Variants in INTS7 observed in about 807,000 individuals in gnomAD.
INTS7 encodes chromosome 1 open reading frame 73.
Under a neutral mutation model 109.2 loss-of-function variants are expected in INTS7, and 46 were observed. The observed-to-expected ratio is 0.42, with a 90% confidence interval of 0.33 to 0.54. The LOEUF (loss-of-function observed/expected upper bound fraction) is 0.54. Ranked by LOEUF, INTS7 falls within the 20% of genes least tolerant of loss-of-function variation. INTS7 has a pLI of 0.07. For synonymous variants in INTS7, 412 were observed against 402.9 expected, an observed-to-expected ratio of 1.02 and a Z score of -0.27; for missense variants, 929 against 1,132.4, an observed-to-expected ratio of 0.82 and a Z score of 2.58.
intron 8 of INTS7, among the ~76,000 whole-genome samples, chr1:211,983,218 T>TC (rs2102430334): frequency 6.6e-6 from 1 of 152,248 alleles, no homozygotes; most frequent in East Asian, 1.9e-4. Context: ...GCTTTTTTTT[T>TC]CCATCTCAGA....
At chr1:212,012,135 G>A (rs779705132) in intron 4 of INTS7, among the ~76,000 whole-genome samples, 4 of 152,124 alleles carry the variant, frequency 2.6e-5, no homozygotes, top group Admixed American at 2.0e-4. Context: ...CACCACAGTT[G>A]CCACTAGGGG....
chr1:212,029,990 T>TA (rs1231406938), intron 1 of INTS7, among the ~76,000 whole-genome samples: 6 of 152,222 alleles, frequency 3.9e-5, no homozygotes, highest in African/African-American at 1.2e-4. Flanking sequence ...AAAATGTCTG[T>TA]AAACGTACAT....
At chr1:211,956,177 C>G (rs1020874301) in intron 16 of INTS7, among the ~76,000 whole-genome samples, 1 of 152,158 alleles carries the variant, frequency 6.6e-6, no homozygotes. Flanking sequence ...TTTTCCCATA[C>G]AATTATTTTG....
At chr1:212,033,415 ACACT>A (rs1667258295) in intron 1 of INTS7, among the ~76,000 whole-genome samples, 1 of 152,202 alleles carries the variant, frequency 6.6e-6, no homozygotes, top group Non-Finnish European at 1.5e-5. Flanking sequence ...CACCTGTAAA[ACACT>A]CACGCCAGGC....
At chr1:212,000,914 C>T (rs1194132816) in intron 7 of INTS7, among the ~76,000 whole-genome samples, 2 of 152,176 alleles carry the variant, frequency 1.3e-5, no homozygotes, top group Admixed American at 6.5e-5. Flanking sequence ...GTCTCACCCA[C>T]TCAAGGCCAT....
intron 4 of INTS7, among the ~76,000 whole-genome samples, chr1:212,012,461 A>G (rs1247893702): frequency 6.6e-6 from 1 of 152,164 alleles, no homozygotes; most frequent in Non-Finnish European, 1.5e-5. Flanking sequence ...TATCAAAAAT[A>G]TAAGTCTTGT....
chr1:212,023,123 T>C (rs1033308898), intron 1 of INTS7, among the ~76,000 whole-genome samples: 1 of 152,236 alleles, frequency 6.6e-6, no homozygotes, highest in Non-Finnish European at 1.5e-5. Context: ...ATGGTATATA[T>C]GTACCATGTT....
chr1:211,986,882 T>C (rs943918819), intron 8 of INTS7, among the ~76,000 whole-genome samples: 1 of 152,162 alleles, frequency 6.6e-6, no homozygotes, highest in Non-Finnish European at 1.5e-5. Context: ...TCCCTACACC[T>C]AGAAAGTATC....
chr1:211,993,409 G>A (rs1665227501), intron 7 of INTS7, among the ~76,000 whole-genome samples: 1 of 152,208 alleles, frequency 6.6e-6, no homozygotes, highest in Admixed American at 6.5e-5. Context: ...GCCAGGTGCG[G>A]CAGCTCACGC....
chr1:211,968,726 AGAGATATTT>A lies in INTS7; in HGVS notation c.1816-28_1816-20del. On this transcript the variant is annotated intron_variant, in intron 13 of 19. Transcript: ENST00000366994. The stretch of plus-strand genomic sequence containing the variant: ...TAGCTGCCTGGGAAAAAAAAAAAAA[AGAGATATTT>A]AAGACAAAGTAAACAGAACAGTGAG... 7.5e-7 allele frequency: 1 copy of A among 1,341,088 alleles called. No individual in the cohort carries two copies. Among genetic ancestry groups the A allele is most frequent in the Non-Finnish European group, 1.1e-6 (1 of 946,446 alleles). The allele number at this position is 1,341,088 out of a possible 1,614,324, so 83.1% of individuals were successfully genotyped here.
rs2102372168 is a variant in INTS7 at position 211,940,905 on chromosome 1, AAAAAC to A, written c.*914_*918del. On this transcript the variant is annotated 3_prime_UTR_variant, in exon 20 of 20. Coordinates refer to ENST00000366994, the MANE Select transcript of INTS7 (RefSeq NM_015434.4). ...TATACACAGTTGCAGACACATCAGAAAAAACAAATTAATTTTCTATGAAATTGCTA... is the reference window on the plus strand; with the variant it reads ...TATACACAGTTGCAGACACATCAGAAAAATTAATTTTCTATGAAATTGCTA... 1 of 152,384 alleles carries A rather than the reference AAAAAC, an allele frequency of 6.6e-6. No individual in the cohort carries two copies. Among genetic ancestry groups the A allele is most frequent in the Non-Finnish European group, 1.5e-5 (1 of 68,038 alleles). 9.4% of individuals were successfully genotyped at this position (152,384 alleles called of 1,614,324 possible). A position where few individuals can be genotyped will look rare whatever the true frequency, so the allele number is the denominator to read the frequency against.
intron 16 of INTS7, among the ~76,000 whole-genome samples, chr1:211,953,309 T>TC (rs1663195211): frequency 6.6e-6 from 1 of 152,188 alleles, no homozygotes; most frequent in Non-Finnish European, 1.5e-5. Context: ...TCTTTCTTTT[T>TC]CCTCTACTGC....
At position 211,943,627 on chromosome 1, in the gene INTS7, G is replaced by A. The variant is rs147043046; in HGVS notation, c.2601+1157C>T. Among the ~76,000 whole-genome samples, 805 of 152,292 alleles carry A rather than the reference G, an allele frequency of 5.3e-3. 10 individuals are homozygous for A. Among genetic ancestry groups the A allele is most frequent in the African/African-American group, 0.019 (776 of 41,566 alleles). On this transcript the variant is annotated intron_variant, in intron 19 of 19. Transcript: ENST00000366994. ...AAAAGAGGAGAATGAAGGCTCAGCC[G>A]TGTCAGAGTGGACAGAGTGCCAAAG...
intron 5 of INTS7, among the ~76,000 whole-genome samples, chr1:212,010,559 T>A: frequency 6.6e-6 from 1 of 152,118 alleles, no homozygotes; most frequent in East Asian, 1.9e-4. Flanking sequence ...CCCCCATAAG[T>A]ATGCTTTGGT....
rs568694080 is a variant in INTS7 at position 211,946,473 on chromosome 1, C to T, written c.2415+134G>A. ...CCCAGGCGACAGGGCGAGACTCTGTCTCAAAAAACAAAACAAAACAAAAAA... is the reference window on the plus strand; with the variant it reads ...CCCAGGCGACAGGGCGAGACTCTGTTTCAAAAAACAAAACAAAACAAAAAA... On this transcript the variant is annotated intron_variant, in intron 18 of 19. Transcript: ENST00000366994. This position sits in a 1 kb window ranked among gnomAD's most constrained non-coding sequence, Gnocchi z 4.3. 8.7e-6 allele frequency: 5 copies of T among 572,060 alleles called. No homozygotes were observed. In the Admixed American group the frequency reaches 9.8e-5, roughly 11 times the overall value. The allele number at this position is 572,060 out of a possible 1,614,324, so 35.4% of individuals were successfully genotyped here.
chr1:212,002,768 T>G (rs1665729729), intron 7 of INTS7, among the ~76,000 whole-genome samples: 1 of 152,256 alleles, frequency 6.6e-6, no homozygotes, highest in Non-Finnish European at 1.5e-5. Context: ...TGGCAGCATT[T>G]ATCACTGTCT....
chr1:212,010,933 C>T (rs1666141826), intron 5 of INTS7, among the ~76,000 whole-genome samples: 3 of 152,080 alleles, frequency 2.0e-5, no homozygotes, highest in Admixed American at 1.3e-4. Flanking sequence ...CTGCATGGCT[C>T]ACTCCTTTCT....
intron 4 of INTS7, among the ~76,000 whole-genome samples, chr1:212,015,239 C>G (rs1022355405): frequency 6.6e-6 from 1 of 151,994 alleles, no homozygotes; most frequent in African/African-American, 2.4e-5. Flanking sequence ...CAGGCCATGA[C>G]GACGATGGGG....
chr1:211,985,299 G>A (rs1426968114), intron 8 of INTS7, among the ~76,000 whole-genome samples: 1 of 152,036 alleles, frequency 6.6e-6, no homozygotes, highest in East Asian at 1.9e-4. Context: ...ATATATTTGA[G>A]CCATTTGTTA....
Sources: allele counts gnomAD v4.1 joint callset (sites outside exome capture counted in the v4.1 genomes callset), GRCh38; gene constraint gnomAD v4.1.1; non-coding constraint Gnocchi (gnomAD v3.1); transcripts MANE v1.5; gene names NCBI Gene and HGNC (gene_info 2026-07-23, HGNC 2026-07-21).